The following DENND1A variants were observed in gnomAD, a reference collection of about 807,000 sequenced individuals.
The protein encoded by DENND1A is DENN domain containing 1A.
A neutral mutation model predicts 113.7 loss-of-function variants in DENND1A; 51 were observed. That is an observed-to-expected ratio of 0.45 (90% CI 0.36 to 0.57). DENND1A has a LOEUF of 0.57. Ranked by LOEUF, DENND1A falls within the 20% of genes least tolerant of loss-of-function variation. The pLI, the probability that DENND1A is intolerant of heterozygous loss-of-function variation, is 0.00. For missense variants in DENND1A, 1,258 were observed against 1,395.9 expected (o/e 0.90, Z 1.57); for synonymous variants, 565 against 570.8 (o/e 0.99, Z 0.14).
At chr9:123,435,135 CT>C (rs138918268) in intron 19 of DENND1A, among the ~76,000 whole-genome samples, 28,079 of 152,020 alleles carry the variant, frequency 0.18, 2,737 homozygotes, top group Non-Finnish European at 0.21. Flanking sequence ...GTGCAGTATC[CT>C]GAGAACATGG....
intron 5 of DENND1A, among the ~76,000 whole-genome samples, chr9:123,705,805 G>A (rs2140810320): frequency 6.6e-6 from 1 of 152,158 alleles, no homozygotes; most frequent in Admixed American, 6.5e-5. Flanking sequence ...TAATATTACT[G>A]AATCTAAAAT....
chr9:123,426,890 G>C (rs1004835036), intron 19 of DENND1A, among the ~76,000 whole-genome samples: 3 of 152,174 alleles, frequency 2.0e-5, no homozygotes, highest in Non-Finnish European at 4.4e-5. Flanking sequence ...AGTTTCTCTG[G>C]TTTGGAACCC....
intron 12 of DENND1A, among the ~76,000 whole-genome samples, chr9:123,570,302 T>C (rs1331715088): frequency 6.6e-6 from 1 of 152,190 alleles, no homozygotes; most frequent in African/African-American, 2.4e-5. Flanking sequence ...CTCCTGTGTA[T>C]GGAAGCAAAG....
chr9:123,744,759 T>C (rs2069330594), intron 5 of DENND1A, among the ~76,000 whole-genome samples: 1 of 150,706 alleles, frequency 6.6e-6, no homozygotes, highest in Non-Finnish European at 1.5e-5. Context: ...TATTCTTTAC[T>C]TATATTAGCT....
chr9:123,625,847 G>A (rs1165741725), intron 10 of DENND1A, among the ~76,000 whole-genome samples: 2 of 152,126 alleles, frequency 1.3e-5, no homozygotes, highest in African/African-American at 2.4e-5. Context: ...CAGAAGCCCC[G>A]GGTATTCCTC....
chr9:123,466,949 G>T (rs756930303), intron 13 of DENND1A, among the ~76,000 whole-genome samples: 1 of 151,826 alleles, frequency 6.6e-6, no homozygotes, highest in East Asian at 1.9e-4. Flanking sequence ...TACTCAGGAC[G>T]CTGAGGCAGG....
At chr9:123,849,507 C>G (rs1843048886) in intron 2 of DENND1A, among the ~76,000 whole-genome samples, 1 of 152,166 alleles carries the variant, frequency 6.6e-6, no homozygotes, top group South Asian at 2.1e-4. Context: ...TTGAAACCTA[C>G]TACTCAGAAA....
intron 12 of DENND1A, among the ~76,000 whole-genome samples, chr9:123,572,260 G>A (rs1384473805): frequency 2.0e-5 from 3 of 152,114 alleles, no homozygotes; most frequent in African/African-American, 7.2e-5. Context: ...CCATTTTGTG[G>A]AATAGATCAG....
chr9:123,812,384 AT>A (rs770462056), intron 2 of DENND1A, among the ~76,000 whole-genome samples: 1 of 151,350 alleles, frequency 6.6e-6, no homozygotes, highest in Non-Finnish European at 1.5e-5. Flanking sequence ...CAATTTATCC[AT>A]TTTTTCCCTG....
chr9:123,686,817 A>G (rs977514338), intron 5 of DENND1A, among the ~76,000 whole-genome samples: 3 of 152,160 alleles, frequency 2.0e-5, no homozygotes, highest in Admixed American at 2.0e-4. Context: ...TAAAGTATAA[A>G]GCTTTAAATG....
intron 13 of DENND1A, among the ~76,000 whole-genome samples, chr9:123,510,136 T>C (rs2053327534): frequency 6.6e-6 from 1 of 152,252 alleles, no homozygotes; most frequent in South Asian, 2.1e-4. Flanking sequence ...ACTTCTCTGC[T>C]GTAGCCCAGG....
intron 5 of DENND1A, among the ~76,000 whole-genome samples, chr9:123,699,967 G>A (rs895540243): frequency 1.3e-5 from 2 of 151,860 alleles, no homozygotes; most frequent in Non-Finnish European, 2.9e-5. Flanking sequence ...CAAAGTGCTG[G>A]GATTACAGGT....
intron 5 of DENND1A, among the ~76,000 whole-genome samples, chr9:123,711,488 T>A (rs60715909): frequency 0.083 from 5,088 of 61,138 alleles, 215 homozygotes; most frequent in African/African-American, 0.26. Flanking sequence ...AATTAAAAAA[T>A]ATATATATAT....
chr9:123,547,784 A>T (rs1218000869), intron 13 of DENND1A, among the ~76,000 whole-genome samples: 1 of 152,188 alleles, frequency 6.6e-6, no homozygotes, highest in Non-Finnish European at 1.5e-5. Context: ...GGTGTTTTGC[A>T]TGGCTCCAGG....
chr9:123,872,247 C>T (rs1279736384), intron 2 of DENND1A, among the ~76,000 whole-genome samples: 2 of 151,978 alleles, frequency 1.3e-5, no homozygotes, highest in African/African-American at 4.8e-5. Flanking sequence ...TTTTTTTAAG[C>T]ATTTAAATTA....
chr9:123,382,673 CAT>C (rs1491252380), intron 23 of DENND1A, 48 bp from the exon 24 acceptor site: 2 of 1,586,756 alleles, frequency 1.3e-6, no homozygotes, highest in Admixed American at 1.7e-5. Context: ...TGAGTTGGGA[CAT>C]ATGTGTGCCC....
At chr9:123,599,153 C>G (rs2059832414) in intron 11 of DENND1A, among the ~76,000 whole-genome samples, 1 of 152,214 alleles carries the variant, frequency 6.6e-6, no homozygotes, top group Non-Finnish European at 1.5e-5. Flanking sequence ...GAACTTAGAT[C>G]ATAAATGTTT....
At chr9:123,722,602 C>T (rs2067419429) in intron 5 of DENND1A, among the ~76,000 whole-genome samples, 6 of 152,208 alleles carry the variant, frequency 3.9e-5, no homozygotes, top group Admixed American at 3.9e-4. Flanking sequence ...ACCTGTGTCC[C>T]AGTCACTCCA....
At chr9:123,778,755 A>G (rs1359447711) in intron 3 of DENND1A, among the ~76,000 whole-genome samples, 8 of 152,118 alleles carry the variant, frequency 5.3e-5, no homozygotes, top group African/African-American at 1.9e-4. Context: ...TAGTCTGCCA[A>G]ACCCGATCTA....
Sources: gnomAD v4.1 joint callset for allele counts (sites outside exome capture counted in the v4.1 genomes callset) on GRCh38, gnomAD v4.1.1 for gene constraint, MANE v1.5 for transcripts, NCBI Gene and HGNC (gene_info 2026-07-23, HGNC 2026-07-21) for gene names.